The following CAMTA1 variants were observed in gnomAD, a reference collection of about 807,000 sequenced individuals.
CAMTA1 encodes the protein calmodulin-binding transcription activator 1.
CAMTA1 carries 27 observed loss-of-function variants against 170.9 expected under a neutral mutation model. The ratio of observed to expected loss-of-function variants is 0.16; its 90% CI spans 0.12 to 0.22. CAMTA1 has a LOEUF of 0.22. Among genes scored for constraint, CAMTA1 ranks in the 10% least tolerant of loss-of-function variants. CAMTA1 has a pLI of 1.00. For synonymous variants in CAMTA1, 833 were observed against 891.5 expected, an observed-to-expected ratio of 0.93 and a Z score of 1.17; for missense variants, 1,619 against 2,217.2, an observed-to-expected ratio of 0.73 and a Z score of 5.42.
At chr1:7,107,638 T>C (rs1388522997) in intron 4 of CAMTA1, among the ~76,000 whole-genome samples, 4 of 152,150 alleles carry the variant, frequency 2.6e-5, no homozygotes, top group African/African-American at 9.7e-5. Flanking sequence ...GCTGCTGGGA[T>C]GCCTTTTTTG....
chr1:7,329,733 T>C (rs986057481), intron 5 of CAMTA1, among the ~76,000 whole-genome samples: 7 of 152,228 alleles, frequency 4.6e-5, no homozygotes, highest in African/African-American at 1.7e-4. Flanking sequence ...ATCTCTTCTA[T>C]GTGTAACCCC....
At chr1:6,879,956 A>C (rs901754317) in intron 3 of CAMTA1, among the ~76,000 whole-genome samples, 1 of 151,964 alleles carries the variant, frequency 6.6e-6, no homozygotes, top group African/African-American at 2.4e-5. Flanking sequence ...AAGTGAAACC[A>C]CTTGTTACTC....
intron 5 of CAMTA1, among the ~76,000 whole-genome samples, chr1:7,257,705 AAAC>A (rs1667624738): frequency 9.5e-6 from 1 of 105,186 alleles, no homozygotes; most frequent in South Asian, 2.5e-4. Flanking sequence ...AATTTCAGAT[AAAC>A]AACAGTTTTT....
At chr1:6,840,932 A>C (rs1655418599) in intron 3 of CAMTA1, among the ~76,000 whole-genome samples, 1 of 152,222 alleles carries the variant, frequency 6.6e-6, no homozygotes, top group Non-Finnish European at 1.5e-5. Context: ...AAAACAACAC[A>C]GATTTCTTAA....
intron 5 of CAMTA1, among the ~76,000 whole-genome samples, chr1:7,464,246 G>A (rs958648549): frequency 1.1e-4 from 17 of 152,034 alleles, no homozygotes; most frequent in South Asian, 2.1e-4. Flanking sequence ...TCCCACACGC[G>A]TGTGCACCTC....
intron 9 of CAMTA1, among the ~76,000 whole-genome samples, chr1:7,666,867 CTGT>C (rs1382841227): frequency 1.3e-5 from 2 of 150,892 alleles, no homozygotes; most frequent in East Asian, 2.0e-4. Flanking sequence ...GACCCCCCTG[CTGT>C]TGTTGTTTTG....
intron 4 of CAMTA1, among the ~76,000 whole-genome samples, chr1:7,103,852 AAC>A (rs1483875772): frequency 5.1e-4 from 18 of 35,150 alleles, no homozygotes; most frequent in African/African-American, 9.7e-4. Flanking sequence ...ATGTACACAC[AAC>A]ACACATACAC....
intron 11 of CAMTA1, chr1:7,693,547 C>T (rs2096341828): frequency 6.6e-6 from 1 of 152,220 alleles, no homozygotes; most frequent in African/African-American, 2.4e-5. Flanking sequence ...TGGAAGGACG[C>T]AGAACTCATC....
At position 7,079,638 on chromosome 1, in the gene CAMTA1, A is replaced by T. The variant is rs536343173; in HGVS notation, c.235-11666A>T. 5.9e-3 allele frequency among the ~76,000 whole-genome samples: 851 copies of T among 144,508 alleles called. 10 individuals are homozygous for T. Among genetic ancestry groups the T allele is most frequent in the African/African-American group, 0.02 (809 of 39,540 alleles). 94.8% of individuals were successfully genotyped at this position (144,508 alleles called of 152,430 possible). A position where few individuals can be genotyped will look rare whatever the true frequency, so the allele number is the denominator to read the frequency against. ...AGGCACACACCATCACGCCTGGCTA[A>T]TTTTTTTTTTTTTTAAGTAGAAATG... On this transcript the variant is annotated intron_variant, in intron 3 of 22. Coordinates refer to ENST00000303635, the MANE Select transcript of CAMTA1 (RefSeq NM_015215.4).
chr1:7,717,092 A>C (rs1434215944), intron 11 of CAMTA1, among the ~76,000 whole-genome samples: 1 of 152,152 alleles, frequency 6.6e-6, no homozygotes, highest in Non-Finnish European at 1.5e-5. Flanking sequence ...GCAGTGGACA[A>C]TAGAATAGTC....
chr1:7,583,857 C>G (rs868738352), intron 6 of CAMTA1, among the ~76,000 whole-genome samples: 1 of 152,194 alleles, frequency 6.6e-6, no homozygotes, highest in Non-Finnish European at 1.5e-5. Context: ...ACCCAGATCA[C>G]TGTCCTCACC....
At chr1:6,886,103 A>T (rs923244792) in intron 3 of CAMTA1, 1 of 399,860 alleles carries the variant, frequency 2.5e-6, no homozygotes, top group Admixed American at 3.0e-5. Flanking sequence ...GTTTTCCTTG[A>T]GCCCACCATC....
chr1:7,142,400 C>T (rs1645939347), intron 4 of CAMTA1, among the ~76,000 whole-genome samples: 1 of 152,190 alleles, frequency 6.6e-6, no homozygotes, highest in Admixed American at 6.5e-5. Flanking sequence ...GACTACCACC[C>T]AGCTCGGCCT....
Position 7,585,323 on chromosome 1 carries a change from G to C in CAMTA1, c.511-55077G>C, listed in dbSNP as rs2095300115. ...TAGCCAAGAAGAGGCCTCTGCGGAG[G>C]GGCACCTGGCAGAGCCCTGAGAGCG... On this transcript the variant is annotated intron_variant, in intron 6 of 22. Transcript: ENST00000303635. The surrounding 1 kb of genome is among the most constrained non-coding windows in gnomAD (Gnocchi z 4.8). 6.6e-6 allele frequency among the ~76,000 whole-genome samples: 1 copy of C among 152,210 alleles called. No homozygotes were observed. The highest frequency in any genetic ancestry group is 6.5e-5 in the Admixed American group (1 of 15,286).
intron 11 of CAMTA1, among the ~76,000 whole-genome samples, chr1:7,727,609 C>T (rs1466336546): frequency 6.6e-6 from 1 of 152,182 alleles, no homozygotes; most frequent in Non-Finnish European, 1.5e-5. Flanking sequence ...TACTTATTTA[C>T]TCTAATGTAA....
intron 3 of CAMTA1, among the ~76,000 whole-genome samples, chr1:7,030,179 C>T (rs774631390): frequency 3.3e-5 from 5 of 152,240 alleles, no homozygotes; most frequent in East Asian, 3.9e-4. Flanking sequence ...ATATGCTGTC[C>T]GCAGAAGCCC....
chr1:6,864,639 C>T (rs988193654), intron 3 of CAMTA1, among the ~76,000 whole-genome samples: 2 of 152,194 alleles, frequency 1.3e-5, no homozygotes, highest in Admixed American at 6.5e-5. Flanking sequence ...TTAGACATGT[C>T]GTTGCCTCTG....
intron 6 of CAMTA1, among the ~76,000 whole-genome samples, chr1:7,606,521 G>A (rs763243001): frequency 2.6e-5 from 4 of 152,102 alleles, no homozygotes; most frequent in South Asian, 2.1e-4. Context: ...AACAATTACC[G>A]CCAGCATGCC....
intron 4 of CAMTA1, among the ~76,000 whole-genome samples, chr1:7,096,918 C>A (rs1642151612): frequency 2.0e-5 from 3 of 152,150 alleles, no homozygotes. Context: ...CTGTCTCAAC[C>A]CACCCTTTTC....
Sources: gnomAD v4.1 joint callset for allele counts (sites outside exome capture counted in the v4.1 genomes callset) on GRCh38, gnomAD v4.1.1 for gene constraint, Gnocchi (gnomAD v3.1) non-coding constraint, MANE v1.5 for transcripts, NCBI Gene and HGNC (gene_info 2026-07-23, HGNC 2026-07-21) for gene names.